Variants in C16orf87 observed in about 807,000 individuals in gnomAD.
The protein encoded by C16orf87 is UPF0547 protein C16orf87.
C16orf87 carries 13 observed loss-of-function variants against 21.0 expected under a neutral mutation model. That is an observed-to-expected ratio of 0.62 (90% CI 0.40 to 0.98). The LOEUF is 0.98. Ranked by LOEUF, C16orf87 falls within the 50% of genes least tolerant of loss-of-function variation. The pLI is 0.00. For missense variants in C16orf87, 113 were observed against 180.4 expected, an observed-to-expected ratio of 0.63 and a Z score of 2.14; for synonymous variants, 49 against 60.2, an observed-to-expected ratio of 0.81 and a Z score of 0.86.
At chr16:46,808,195 A>G in intron 3 of C16orf87, 1 of 430,214 alleles carries the variant, frequency 2.3e-6, no homozygotes, top group South Asian at 1.7e-5. Flanking sequence ...AGAGCATAAT[A>G]GAAAGAGAAA....
In C16orf87 at chr16:46,802,142, T is replaced by C. The variant is rs947868406; in HGVS notation, c.*810A>G. 2.0e-5 allele frequency: 3 copies of C among 152,114 alleles called. No individual in the cohort carries two copies. Among genetic ancestry groups the C allele is most frequent in the Non-Finnish European group, 4.4e-5 (3 of 67,946 alleles). The allele number at this position is 152,114 out of a possible 1,614,324, so 9.4% of individuals were successfully genotyped here. On this transcript the variant is annotated 3_prime_UTR_variant, in exon 4 of 4. Transcript: ENST00000285697. ...AACAAATATCCATTCAGATAAAACATTACTGCTTAAAAGTGGCTAAGAAAT... is the reference window on the plus strand; with the variant it reads ...AACAAATATCCATTCAGATAAAACACTACTGCTTAAAAGTGGCTAAGAAAT...
rs1477537642 is a variant in C16orf87 at position 46,798,213 on chromosome 16, T to C, written c.*4739A>G. ...AAACAGAAAAACAGCAAAATATCAA[T>C]AAACCAGAGCAGGTTCTTACAAAAG... On this transcript the variant is annotated 3_prime_UTR_variant, in exon 4 of 4. Transcript: ENST00000285697. 1 of 152,138 alleles carries C rather than the reference T, an allele frequency of 6.6e-6. No homozygotes were observed. The highest frequency in any genetic ancestry group is 2.4e-5 in the African/African-American group (1 of 41,446). 9.4% of individuals were successfully genotyped at this position (152,138 alleles called of 1,614,324 possible).
chr16:46,819,282 G>A (rs530962583), intron 2 of C16orf87, among the ~76,000 whole-genome samples: 5 of 152,000 alleles, frequency 3.3e-5, no homozygotes, highest in Admixed American at 1.3e-4. Flanking sequence ...ACAGGGTTTC[G>A]CCATGTTGCC....
At chr16:46,831,005 G>T in intron 1 of C16orf87, 79 bp downstream of exon 1, 1 of 1,179,644 alleles carries the variant, frequency 8.5e-7, no homozygotes, top group Non-Finnish European at 1.2e-6. Context: ...GCCTCCGGGA[G>T]CCCGGCGAGG....
chr16:46,831,037 C>A, intron 1 of C16orf87, 47 bp downstream of exon 1: 1 of 1,497,006 alleles, frequency 6.7e-7, no homozygotes, highest in Non-Finnish European at 9.1e-7. Context: ...AGACAACGGC[C>A]GCCAAGCCAC....
intron 2 of C16orf87, 40 bp from the exon 3 acceptor site, chr16:46,809,825 C>T (rs768789836): frequency 7.4e-7 from 1 of 1,346,796 alleles, no homozygotes; most frequent in East Asian, 2.3e-5. Flanking sequence ...TAGGGCTTAG[C>T]AAGAACTGTT....
intron 2 of C16orf87, among the ~76,000 whole-genome samples, chr16:46,810,382 C>T (rs1211150391): frequency 6.6e-6 from 1 of 152,064 alleles, no homozygotes; most frequent in East Asian, 1.9e-4. Flanking sequence ...GGAAACTTTA[C>T]TAAATATGGT....
chr16:46,817,937 A>C (rs549338309), intron 2 of C16orf87, among the ~76,000 whole-genome samples: 4 of 151,032 alleles, frequency 2.6e-5, no homozygotes, highest in East Asian at 1.9e-4. Context: ...AAAAAAAAAA[A>C]AACCACAAAA....
intron 3 of C16orf87, among the ~76,000 whole-genome samples, chr16:46,805,460 T>C (rs1245386496): frequency 6.6e-6 from 1 of 152,196 alleles, no homozygotes; most frequent in Non-Finnish European, 1.5e-5. Context: ...CCTCTGCAAT[T>C]TCCTTTTAAA....
At chr16:46,808,706 T>C (rs1464045571) in intron 3 of C16orf87, among the ~76,000 whole-genome samples, 1 of 152,120 alleles carries the variant, frequency 6.6e-6, no homozygotes, top group South Asian at 2.1e-4. Context: ...CTCTTGCATA[T>C]GTTGAAATTT....
rs1967788567 is a variant in C16orf87, at chr16:46,801,876, T to G, written c.*1076A>C. ...AGCGACTGAAAATAAGGGGAGTGAT[T>G]ACCAAGTTTGAATATGTTAATCATT... On this transcript the variant is annotated 3_prime_UTR_variant, in exon 4 of 4. Coordinates refer to ENST00000285697, the MANE Select transcript of C16orf87 (RefSeq NM_001001436.4). 1 of 152,132 alleles carries G rather than the reference T, an allele frequency of 6.6e-6. No homozygotes were observed. Among genetic ancestry groups the G allele is most frequent in the Non-Finnish European group, 1.5e-5 (1 of 68,012 alleles). 9.4% of individuals were successfully genotyped at this position (152,132 alleles called of 1,614,324 possible). A position where few individuals can be genotyped will look rare whatever the true frequency, so the allele number is the denominator to read the frequency against.
chr16:46,802,772 G>A lies in C16orf87; in HGVS notation c.*180C>T. 2.1e-6 allele frequency: 1 copy of A among 476,454 alleles called. No individual in the cohort carries two copies. The highest frequency in any genetic ancestry group is 3.8e-6 in the Non-Finnish European group (1 of 264,736). 29.5% of individuals were successfully genotyped at this position (476,454 alleles called of 1,614,324 possible). On this transcript the variant is annotated 3_prime_UTR_variant, in exon 4 of 4. Transcript: ENST00000285697. ...CTCCTTGGTAAACAAGGAAATCCCA[G>A]AACAGTCCAAGCCTACACAGCTTTG...
In C16orf87 at chr16:46,799,388, C is replaced by A. The variant is rs1465265435; in HGVS notation, c.*3564G>T. ...GCTTGTCATGTAGTAAAAGAAAAAA[C>A]CCAGCTGCACAGAAAAAACTTTAAT... is the stretch of plus-strand genomic sequence containing the variant. On this transcript the variant is annotated 3_prime_UTR_variant, in exon 4 of 4. Coordinates refer to ENST00000285697, the MANE Select transcript of C16orf87 (RefSeq NM_001001436.4). 1 of 152,046 alleles carries A rather than the reference C, an allele frequency of 6.6e-6. No individual in the cohort carries two copies. Among genetic ancestry groups the A allele is most frequent in the Non-Finnish European group, 1.5e-5 (1 of 68,004 alleles). 9.4% of individuals were successfully genotyped at this position (152,046 alleles called of 1,614,324 possible). A position where few individuals can be genotyped will look rare whatever the true frequency, so the allele number is the denominator to read the frequency against.
chr16:46,828,373 GCT>G (rs1401865632), intron 1 of C16orf87, among the ~76,000 whole-genome samples: 2 of 151,944 alleles, frequency 1.3e-5, no homozygotes, highest in Non-Finnish European at 2.9e-5. Flanking sequence ...AAAAAAAGCT[GCT>G]CTATTTTTTT....
At chr16:46,803,757 C>T (rs1348526676) in intron 3 of C16orf87, among the ~76,000 whole-genome samples, 1 of 150,210 alleles carries the variant, frequency 6.7e-6, no homozygotes, top group Non-Finnish European at 1.5e-5. Flanking sequence ...GCCCCATACA[C>T]ATTTTCCACT....
At chr16:46,809,451 G>T (rs28387019) in intron 3 of C16orf87, 152 bp downstream of exon 3, 47 of 523,464 alleles carry the variant, frequency 9.0e-5, no homozygotes, top group African/African-American at 8.6e-4. Flanking sequence ...AAAATAATAA[G>T]CATCTACCAC....
chr16:46,806,654 C>A (rs1596806465), intron 3 of C16orf87, among the ~76,000 whole-genome samples: 1 of 152,102 alleles, frequency 6.6e-6, no homozygotes, highest in East Asian at 1.9e-4. Flanking sequence ...TCCAGAATAC[C>A]CTTATATATA....
At chr16:46,828,361 T>TA (rs1000366018) in intron 1 of C16orf87, among the ~76,000 whole-genome samples, 5 of 151,954 alleles carry the variant, frequency 3.3e-5, no homozygotes, top group South Asian at 2.1e-4. Context: ...TCCTTTAAAT[T>TA]AAAAAAAAGC....
chr16:46,826,745 G>A (rs888628574), intron 1 of C16orf87, among the ~76,000 whole-genome samples: 2 of 151,806 alleles, frequency 1.3e-5, no homozygotes, highest in East Asian at 1.9e-4. Flanking sequence ...TTCAAATTTC[G>A]TATCTTCATA....
Sources: allele counts gnomAD v4.1 joint callset (sites outside exome capture counted in the v4.1 genomes callset), GRCh38; gene constraint gnomAD v4.1.1; transcripts MANE v1.5; gene names NCBI Gene and HGNC (gene_info 2026-07-23, HGNC 2026-07-21).